Variants in SFRP1 observed in about 807,000 individuals in gnomAD.
SFRP1 encodes the protein secreted frizzled related protein 1.
A neutral mutation model predicts 25.9 loss-of-function variants in SFRP1; 9 were observed. The observed-to-expected ratio is 0.35, with a 90% CI of 0.21 to 0.61. SFRP1 has a LOEUF of 0.61. Ranked by LOEUF, SFRP1 falls within the 20% of genes least tolerant of loss-of-function variation. The pLI is 0.78. For synonymous variants in SFRP1, 178 were observed against 174.0 expected (o/e 1.02, Z -0.18); for missense variants, 346 against 418.2 (o/e 0.83, Z 1.51).
intron 1 of SFRP1, among the ~76,000 whole-genome samples, chr8:41,304,211 G>A (rs1476237136): frequency 6.6e-6 from 1 of 152,166 alleles, no homozygotes. Flanking sequence ...CTTTGAAGAG[G>A]AGGTTTGTGG....
chr8:41,289,398 A>G lies in SFRP1; in HGVS notation c.622+14063T>C, dbSNP rs760928917. Reference sequence around the variant, plus strand: ...ATGCCAGGACTCCAGAATCTGTGTTATTTTTTTCTTACTCCATATTTTATC... The same window carrying G: ...ATGCCAGGACTCCAGAATCTGTGTTGTTTTTTTCTTACTCCATATTTTATC... On this transcript the variant is annotated intron_variant, in intron 2 of 2. Coordinates refer to ENST00000220772, the MANE Select transcript of SFRP1 (RefSeq NM_003012.5). 2.6e-4 allele frequency among the ~76,000 whole-genome samples: 40 copies of G among 152,100 alleles called. 1 individual carries two copies. Among genetic ancestry groups the G allele is most frequent in the South Asian group, 1.7e-3 (8 of 4,836 alleles).
intron 2 of SFRP1, among the ~76,000 whole-genome samples, chr8:41,303,176 C>G (rs1803949735): frequency 6.6e-6 from 1 of 151,908 alleles, no homozygotes; most frequent in South Asian, 2.1e-4. Flanking sequence ...CCCTGCTCCT[C>G]TCGACCTGTC....
At chr8:41,281,424 C>T (rs1440947916) in intron 2 of SFRP1, among the ~76,000 whole-genome samples, 2 of 152,226 alleles carry the variant, frequency 1.3e-5, no homozygotes, top group Non-Finnish European at 2.9e-5. Flanking sequence ...AAATGAAAGA[C>T]AAATGTCAGC....
intron 2 of SFRP1, among the ~76,000 whole-genome samples, chr8:41,267,742 G>C (rs1464607058): frequency 6.6e-6 from 1 of 152,154 alleles, no homozygotes; most frequent in East Asian, 1.9e-4. Context: ...GGTTAAGTTG[G>C]CTTGCCTAAA....
intron 2 of SFRP1, among the ~76,000 whole-genome samples, chr8:41,295,129 A>C (rs1460964897): frequency 1.3e-5 from 2 of 152,156 alleles, no homozygotes; most frequent in Non-Finnish European, 2.9e-5. Context: ...TTGGGAGGCC[A>C]AGGAGGGCAG....
chr8:41,293,355 C>T (rs1415396761), intron 2 of SFRP1, among the ~76,000 whole-genome samples: 1 of 152,246 alleles, frequency 6.6e-6, no homozygotes, highest in Non-Finnish European at 1.5e-5. Context: ...TGAGTCCCCA[C>T]GCTGTGGGCC....
At chr8:41,307,445 C>A (rs1423995095) in intron 1 of SFRP1, among the ~76,000 whole-genome samples, 1 of 152,208 alleles carries the variant, frequency 6.6e-6, no homozygotes, top group East Asian at 1.9e-4. Flanking sequence ...GCACTCCCCT[C>A]TTTTAGCATC....
intron 2 of SFRP1, among the ~76,000 whole-genome samples, chr8:41,286,995 A>G (rs1370909539): frequency 6.6e-6 from 1 of 152,234 alleles, no homozygotes; most frequent in Non-Finnish European, 1.5e-5. Context: ...GCAGGCCTCC[A>G]GGTATCGCAG....
intron 1 of SFRP1, 41 bp downstream of exon 1, chr8:41,308,575 T>TG: frequency 1.4e-6 from 2 of 1,475,160 alleles, no homozygotes; most frequent in South Asian, 2.6e-5. Context: ...GGCCGGGGGA[T>TG]GGAGGGGGCG....
At chr8:41,301,044 C>T (rs187285554) in intron 2 of SFRP1, among the ~76,000 whole-genome samples, 95 of 152,258 alleles carry the variant, frequency 6.2e-4, no homozygotes, top group Non-Finnish European at 7.2e-4. Context: ...CACTGCATGC[C>T]GAGAAGGTCA....
chr8:41,297,272 G>C (rs1426501188), intron 2 of SFRP1, among the ~76,000 whole-genome samples: 1 of 148,744 alleles, frequency 6.7e-6, no homozygotes, highest in Non-Finnish European at 1.5e-5. Context: ...TTGAACTTCT[G>C]ACCTCAGGTG....
chr8:41,302,071 T>C (rs191418983), intron 2 of SFRP1, among the ~76,000 whole-genome samples: 32 of 152,370 alleles, frequency 2.1e-4, no homozygotes, highest in African/African-American at 7.7e-4. Context: ...GTATTACATT[T>C]ATTTAGAGGA....
chr8:41,268,801 T>C (rs1803467523), intron 2 of SFRP1, among the ~76,000 whole-genome samples: 1 of 152,230 alleles, frequency 6.6e-6, no homozygotes, highest in African/African-American at 2.4e-5. Context: ...GGGCAGGTGC[T>C]GGCCCAAGAG....
chr8:41,309,171 G>C lies in SFRP1; in HGVS notation c.-12C>G. ...CGCCCGATGCCCATGCCGGCTCTGC[G>C]CCCTGTTCTCCGCGACGTCGGGGCT... On this transcript the variant is annotated 5_prime_UTR_variant, in exon 1 of 3. Transcript: ENST00000220772. 1 of 1,319,938 alleles carries C rather than the reference G, an allele frequency of 7.6e-7. No homozygotes were observed. The highest frequency in any genetic ancestry group is 9.6e-7 in the Non-Finnish European group (1 of 1,044,758). 81.8% of individuals were successfully genotyped at this position (1,319,938 alleles called of 1,614,324 possible).
chr8:41,285,042 T>A (rs1481835087), intron 2 of SFRP1, among the ~76,000 whole-genome samples: 2 of 152,232 alleles, frequency 1.3e-5, no homozygotes, highest in Non-Finnish European at 2.9e-5. Context: ...CTGTGCTGCC[T>A]GGTTTTCCAC....
At chr8:41,266,206 C>T (rs771004755) in intron 2 of SFRP1, among the ~76,000 whole-genome samples, 4 of 152,050 alleles carry the variant, frequency 2.6e-5, no homozygotes, top group Non-Finnish European at 5.9e-5. Context: ...ATTCTGCCAC[C>T]GCCTCCGCCC....
chr8:41,292,694 G>A (rs1183631094), intron 2 of SFRP1, among the ~76,000 whole-genome samples: 1 of 152,210 alleles, frequency 6.6e-6, no homozygotes, highest in Non-Finnish European at 1.5e-5. Context: ...CTCTTTGGAT[G>A]TTGATTCTAG....
Position 41,264,993 on chromosome 8 carries a change from G to C in SFRP1, c.*174C>G. ...CCGGCCATGGCTACCCTGGGGTTTG[G>C]AGCGTGGCTATGGAGGGAAGGGAGC... On this transcript the variant is annotated 3_prime_UTR_variant, in exon 3 of 3. Transcript: ENST00000220772. The C allele has an allele frequency of 1.7e-6, 1 of 596,592 alleles. No homozygotes were observed. Among genetic ancestry groups the C allele is most frequent in the Non-Finnish European group, 2.9e-6 (1 of 340,176 alleles). 37.0% of individuals were successfully genotyped at this position (596,592 alleles called of 1,614,324 possible). A position where few individuals can be genotyped will look rare whatever the true frequency, so the allele number is the denominator to read the frequency against.
chr8:41,287,854 A>G (rs755288489), intron 2 of SFRP1, among the ~76,000 whole-genome samples: 43 of 152,204 alleles, frequency 2.8e-4, no homozygotes, highest in Non-Finnish European at 6.0e-4. Flanking sequence ...CAGCCTCCAC[A>G]TAAACAGGAA....
Sources: gnomAD v4.1 joint callset for allele counts (sites outside exome capture counted in the v4.1 genomes callset) on GRCh38, gnomAD v4.1.1 for gene constraint, MANE v1.5 for transcripts, NCBI Gene and HGNC (gene_info 2026-07-23, HGNC 2026-07-21) for gene names.